CFAP92: variants seen among roughly 807,000 people sequenced by gnomAD.
The protein encoded by CFAP92 is uncharacterized protein CFAP92.
A neutral mutation model predicts 106.3 loss-of-function variants in CFAP92; 86 were observed. The ratio of observed to expected loss-of-function variants is 0.81; its 90% confidence interval spans 0.68 to 0.97. The LOEUF (loss-of-function observed/expected upper bound fraction) is 0.97, where lower values mean the gene tolerates loss of function less well. CFAP92 is among the 50% of genes least tolerant of loss of function. The pLI is 0.00. For synonymous variants in CFAP92, 477 were observed against 506.4 expected, an observed-to-expected ratio of 0.94 and a Z score of 0.78; for missense variants, 1,204 against 1,283.8, an observed-to-expected ratio of 0.94 and a Z score of 0.95.
At chr3:129,011,253 A>C in the CFAP92 span, among the ~76,000 whole-genome samples, 5 of 152,194 alleles carry the variant, frequency 3.3e-5, no homozygotes, top group Admixed American at 3.3e-4. Flanking sequence ...GGCTTAATAA[A>C]TATTGGAACG....
chr3:128,948,094 A>C (rs1940412074), intron 9 of CFAP92, among the ~76,000 whole-genome samples: 1 of 152,188 alleles, frequency 6.6e-6, no homozygotes, highest in African/African-American at 2.4e-5. Context: ...AATAAAAGAG[A>C]ATGACAAGAC....
At chr3:128,974,936 T>C (rs777651627) in intron 7 of CFAP92, among the ~76,000 whole-genome samples, 2 of 150,938 alleles carry the variant, frequency 1.3e-5, no homozygotes, top group African/African-American at 2.4e-5. Context: ...CTGGCTAACA[T>C]GGTGAAACCC....
chr3:128,992,247 T>C (rs772860289), intron 2 of CFAP92, among the ~76,000 whole-genome samples: 17 of 152,178 alleles, frequency 1.1e-4, no homozygotes, highest in Non-Finnish European at 1.9e-4. Flanking sequence ...CATTCAGAGA[T>C]TGATTCAACA....
At chr3:129,014,470 CTGTG>C in the CFAP92 span, among the ~76,000 whole-genome samples, 1 of 152,234 alleles carries the variant, frequency 6.6e-6, no homozygotes. This position sits in a 1 kb window ranked among gnomAD's most constrained non-coding sequence, Gnocchi z 4.3. Flanking sequence ...GGTCTTCCTT[CTGTG>C]TGTATTTCTG....
At chr3:129,001,521 C>A (rs1187153496) in intron 1 of CFAP92, 9 of 1,331,422 alleles carry the variant, frequency 6.8e-6, no homozygotes, top group South Asian at 2.0e-5. Context: ...TCCAACCAGA[C>A]CGCGACCGCT....
chr3:128,953,339 C>A (rs997328368), intron 9 of CFAP92, among the ~76,000 whole-genome samples: 1 of 152,112 alleles, frequency 6.6e-6, no homozygotes, highest in South Asian at 2.1e-4. Context: ...CACGGTGAAA[C>A]CCAGTCTCTA....
intron 4 of CFAP92, among the ~76,000 whole-genome samples, chr3:128,979,484 G>T (rs576148277): frequency 6.6e-6 from 1 of 152,136 alleles, no homozygotes; most frequent in African/African-American, 2.4e-5. Flanking sequence ...CTGCTGTAAA[G>T]ACACATGCAC....
intron 15 of CFAP92, chr3:128,912,541 A>C (rs767770568): frequency 1.2e-6 from 2 of 1,614,114 alleles, no homozygotes; most frequent in Admixed American, 3.3e-5. Context: ...AGATTAAGAA[A>C]GTGTCCCAGC....
upstream of CFAP92, among the ~76,000 whole-genome samples, chr3:129,007,447 G>T (rs1282526095): frequency 6.6e-6 from 1 of 152,146 alleles, no homozygotes; most frequent in Non-Finnish European, 1.5e-5. Context: ...ATGTGTCTTT[G>T]GGGAGAAAAC....
At position 128,978,055 on chromosome 3, in the gene CFAP92, CTT is replaced by C. The variant is rs746910673; in HGVS notation, c.796_797del (p.Lys266ValfsTer18). On this transcript the variant is annotated frameshift_variant, in exon 5 of 16. Transcript: ENST00000645291. LOFTEE classifies it high-confidence loss of function. Reference protein sequence around the residue: ...GKQEKTEKHPKSLQGSHQAEP... With the variant: ...GKQEKTEKHPXSLQGSHQAEP... ...GCCTTCTCCGCTCACCTTGCAAAGA[CTT>C]TGGGTGTTTTTCTGTTTTTTCTTGT... 1.9e-6 allele frequency: 3 copies of C among 1,613,862 alleles called. No individual in the cohort carries two copies. Among genetic ancestry groups the C allele is most frequent in the Admixed American group, 1.7e-5 (1 of 59,996 alleles).
At chr3:128,976,527 C>G (rs1943168679) in intron 6 of CFAP92, among the ~76,000 whole-genome samples, 1 of 152,194 alleles carries the variant, frequency 6.6e-6, no homozygotes, top group South Asian at 2.1e-4. Flanking sequence ...TCCATTCTCT[C>G]CCTTGTCCCC....
intron 15 of CFAP92, chr3:128,914,843 C>T (rs1936674731): frequency 2.3e-6 from 1 of 426,026 alleles, no homozygotes; most frequent in Non-Finnish European, 4.3e-6. Flanking sequence ...TGTCTTCCAA[C>T]TTCCCCACTT....
At chr3:128,947,620 A>G (rs1351084735) in intron 9 of CFAP92, among the ~76,000 whole-genome samples, 1 of 152,240 alleles carries the variant, frequency 6.6e-6, no homozygotes, top group Non-Finnish European at 1.5e-5. Context: ...GTTTATCAAA[A>G]GTGCAAAAGA....
upstream of CFAP92, among the ~76,000 whole-genome samples, chr3:128,996,410 T>C (rs1944481840): frequency 6.6e-6 from 1 of 151,884 alleles, no homozygotes; most frequent in Admixed American, 6.6e-5. Context: ...CCACCAAGAT[T>C]GTATTGCACA....
At chr3:129,003,224 T>G (rs935756346), upstream of CFAP92, 10 of 985,254 alleles carry the variant, frequency 1.0e-5, no homozygotes, top group African/African-American at 1.7e-4. Flanking sequence ...TGATGTGGAA[T>G]CCCAAGTAAC....
chr3:128,961,153 T>C lies in CFAP92; in HGVS notation c.1353+4358A>G, dbSNP rs543504041. 1.4e-4 allele frequency among the ~76,000 whole-genome samples: 21 copies of C among 152,270 alleles called. No individual in the cohort carries two copies. The East Asian group carries it at 3.9e-3, about 28-fold the overall frequency. On this transcript the variant is annotated intron_variant, in intron 9 of 15. Coordinates refer to ENST00000645291, the MANE Select transcript of CFAP92 (RefSeq NM_001394090.1). ...ACAGTAGTTCCAAATAGCCAGAAAA[T>C]GGCACTTTAAATTTTTCCATCCTGC...
chr3:129,003,912 G>T, upstream of CFAP92: 1 of 1,353,992 alleles, frequency 7.4e-7, no homozygotes, highest in Non-Finnish European at 9.5e-7. Flanking sequence ...GCCCGCGCTG[G>T]GCGGCTGCGC....
chr3:128,961,567 G>A (rs552961955), intron 9 of CFAP92, among the ~76,000 whole-genome samples: 2 of 152,266 alleles, frequency 1.3e-5, no homozygotes, highest in Admixed American at 1.3e-4. Context: ...GGCTGGAGCT[G>A]AAGGCATAGT....
intron 6 of CFAP92, 114 bp downstream of exon 6, chr3:128,976,865 G>A: frequency 1.3e-6 from 1 of 796,408 alleles, no homozygotes; most frequent in South Asian, 1.5e-5. Context: ...AGTTAGCCTG[G>A]ATTGCATGAG....
Sources: allele counts gnomAD v4.1 joint callset (sites outside exome capture counted in the v4.1 genomes callset), GRCh38; gene constraint gnomAD v4.1.1; non-coding constraint Gnocchi (gnomAD v3.1); transcripts MANE v1.5; gene names NCBI Gene and HGNC (gene_info 2026-07-23, HGNC 2026-07-21).